The following NEURL1B variants were observed in gnomAD, a reference collection of about 807,000 sequenced individuals.
NEURL1B encodes E3 ubiquitin-protein ligase NEURL1B.
Under a neutral mutation model 37.4 loss-of-function variants are expected in NEURL1B, and 13 were observed. That is an observed-to-expected ratio of 0.35 (90% CI 0.23 to 0.55). NEURL1B has a LOEUF of 0.55. Among genes scored for constraint, NEURL1B ranks in the 20% least tolerant of loss-of-function variants. The pLI, the probability that NEURL1B is intolerant of heterozygous loss-of-function variation, is 0.89. For synonymous variants in NEURL1B, 432 were observed against 426.6 expected (o/e 1.01, Z -0.16); for missense variants, 790 against 879.2 (o/e 0.90, Z 1.28).
chr5:172,647,638 C>G lies in NEURL1B; in HGVS notation c.31+6201C>G, dbSNP rs149448345. Reference sequence around the variant, plus strand: ...CCCACCCTTATTGCAGGTGCACTCCCTTTGCCCTCTGAAGATGAATTACTT... The same window carrying G: ...CCCACCCTTATTGCAGGTGCACTCCGTTTGCCCTCTGAAGATGAATTACTT... On this transcript the variant is annotated intron_variant, in intron 1 of 4. Coordinates refer to ENST00000369800, the MANE Select transcript of NEURL1B (RefSeq NM_001142651.3). The surrounding 1 kb of genome is among the most constrained non-coding windows in gnomAD (Gnocchi z 4.2). Among the ~76,000 whole-genome samples, 92 of 152,244 alleles carry G rather than the reference C, an allele frequency of 6.0e-4. 2 individuals are homozygous for G. In the East Asian group the frequency reaches 0.016, roughly 26 times the overall value.
intron 2 of NEURL1B, among the ~76,000 whole-genome samples, chr5:172,678,906 T>C (rs1758291080): frequency 6.6e-6 from 1 of 152,178 alleles, no homozygotes; most frequent in African/African-American, 2.4e-5. Context: ...AGCCCAGATA[T>C]ATTGGACCTA....
At chr5:172,656,977 G>C (rs1388399322) in intron 1 of NEURL1B, among the ~76,000 whole-genome samples, 1 of 152,166 alleles carries the variant, frequency 6.6e-6, no homozygotes, top group East Asian at 1.9e-4. Flanking sequence ...TTGGAGGCAA[G>C]GGATCTGTGC....
In NEURL1B at chr5:172,641,466, G is replaced by T; in HGVS notation, c.31+29G>T. ...CGCCGGGGAGCCCTGCCCGGGAGGC[G>T]GGCGCCGGGCTTCTCTCCTCCGGGG... is the stretch of plus-strand genomic sequence containing the variant. On this transcript the variant is annotated intron_variant, in intron 1 of 4. Coordinates refer to ENST00000369800, the MANE Select transcript of NEURL1B (RefSeq NM_001142651.3). The surrounding 1 kb of genome is among the most constrained non-coding windows in gnomAD (Gnocchi z 6.4). The T allele has an allele frequency of 1.5e-6, 2 of 1,298,378 alleles. No individual in the cohort carries two copies. Among genetic ancestry groups the T allele is most frequent in the Non-Finnish European group, 2.0e-6 (2 of 1,024,014 alleles). 80.4% of individuals were successfully genotyped at this position (1,298,378 alleles called of 1,614,324 possible).
In NEURL1B at chr5:172,670,419, T is replaced by C. The variant is rs998725537; in HGVS notation, c.577+89T>C. On this transcript the variant is annotated intron_variant, in intron 2 of 4. Transcript: ENST00000369800. ...TTTCATTAGTAGCCACAGTCACTTA[T>C]GGAGAGCTCCTTTTGCCAGGCGTGG... is the stretch of plus-strand genomic sequence containing the variant. 6 of 1,079,640 alleles carry C rather than the reference T, an allele frequency of 5.6e-6. No homozygotes were observed. In the African/African-American group the frequency reaches 8.3e-5, roughly 15 times the overall value. 66.9% of individuals were successfully genotyped at this position (1,079,640 alleles called of 1,614,324 possible).
rs992960422 is a variant in NEURL1B, at chr5:172,657,536, G to A, written c.32-12249G>A. 4.6e-5 allele frequency among the ~76,000 whole-genome samples: 7 copies of A among 152,062 alleles called. No individual in the cohort carries two copies. Among genetic ancestry groups the A allele is most frequent in the Non-Finnish European group, 8.8e-5 (6 of 68,028 alleles). On this transcript the variant is annotated intron_variant, in intron 1 of 4. Coordinates refer to ENST00000369800, the MANE Select transcript of NEURL1B (RefSeq NM_001142651.3). This position sits in a 1 kb window ranked among gnomAD's most constrained non-coding sequence, Gnocchi z 4.0. ...TTACTAATATAACCTAGGAATAACC[G>A]GTGGGTATAGGGTCAGGTGCTGAAG...
Position 172,675,429 on chromosome 5 carries a change from T to A in NEURL1B, c.577+5099T>A, listed in dbSNP as rs559906703. Among the ~76,000 whole-genome samples the A allele has an allele frequency of 6.6e-6, 1 of 152,198 alleles. No individual in the cohort carries two copies. Among genetic ancestry groups the A allele is most frequent in the East Asian group, 1.9e-4 (1 of 5,170 alleles). On this transcript the variant is annotated intron_variant, in intron 2 of 4. Transcript: ENST00000369800. The surrounding 1 kb of genome is among the most constrained non-coding windows in gnomAD (Gnocchi z 4.7). ...CATTGTCTCAGGGCTGCTCTATGCT[T>A]GTTTAATGGTCTCTGGGGTACAGAT...
intron 2 of NEURL1B, among the ~76,000 whole-genome samples, chr5:172,672,933 A>G (rs1241105446): frequency 6.6e-6 from 1 of 152,212 alleles, no homozygotes; most frequent in African/African-American, 2.4e-5. Context: ...TATTGCTTTT[A>G]CAGTCAGAAA....
At position 172,647,606 on chromosome 5, in the gene NEURL1B, C is replaced by T. The variant is rs978914241; in HGVS notation, c.31+6169C>T. ...CTGCCCCTTGTCCTCGTCCTGAGCA[C>T]CTGAGCCCCACCCTTATTGCAGGTG... On this transcript the variant is annotated intron_variant, in intron 1 of 4. Transcript: ENST00000369800. This position sits in a 1 kb window ranked among gnomAD's most constrained non-coding sequence, Gnocchi z 4.2. Among the ~76,000 whole-genome samples, 1 of 152,080 alleles carries T rather than the reference C, an allele frequency of 6.6e-6. No individual in the cohort carries two copies. The highest frequency in any genetic ancestry group is 1.5e-5 in the Non-Finnish European group (1 of 68,006).
At chr5:172,678,605 G>C (rs1318925069) in intron 2 of NEURL1B, among the ~76,000 whole-genome samples, 1 of 149,636 alleles carries the variant, frequency 6.7e-6, no homozygotes, top group Non-Finnish European at 1.5e-5. Context: ...CCACCCCCTT[G>C]GTTGGCCATT....
rs1297795071 is a variant in NEURL1B at position 172,641,397 on chromosome 5, C to A, written c.-10C>A. ...AGCGCGCCGCCGCCAACGCCGCGCC[C>A]GACGCAGCGATGGGCAACACGGTGC... On this transcript the variant is annotated 5_prime_UTR_variant, in exon 1 of 5. Transcript: ENST00000369800. This position sits in a 1 kb window ranked among gnomAD's most constrained non-coding sequence, Gnocchi z 6.4. The A allele has an allele frequency of 2.2e-6, 3 of 1,379,536 alleles. No individual in the cohort carries two copies. The highest frequency in any genetic ancestry group is 6.3e-5 in the Admixed American group (2 of 31,678). The allele number at this position is 1,379,536 out of a possible 1,614,324, so 85.5% of individuals were successfully genotyped here. A position where few individuals can be genotyped will look rare whatever the true frequency, so the allele number is the denominator to read the frequency against.
rs1180541126 is a variant in NEURL1B, at chr5:172,683,591, G to C, written c.750G>C (p.Pro250=). The change falls in exon 3 of 5, where the codon CCG becomes CCC. Residue 250 remains proline, a synonymous_variant. Transcript: ENST00000369800. This position sits in a 1 kb window ranked among gnomAD's most constrained non-coding sequence, Gnocchi z 5.6. ...CGCTGGGCCGCGCCCCGGGCCCACCGCCAGCCGACGCCGCGGCCGCCGCCA... is the reference window on the plus strand; with the variant it reads ...CGCTGGGCCGCGCCCCGGGCCCACCCCCAGCCGACGCCGCGGCCGCCGCCA... ...HLALGRAPGP[P]PADAAAAAIP... is the part of the protein sequence containing the mutation. 3 of 1,288,368 alleles carry C rather than the reference G, an allele frequency of 2.3e-6. No homozygotes were observed. Among genetic ancestry groups the C allele is most frequent in the Non-Finnish European group, 2.9e-6 (3 of 1,018,718 alleles). The allele number at this position is 1,288,368 out of a possible 1,614,324, so 79.8% of individuals were successfully genotyped here.
Position 172,683,954 on chromosome 5 carries a change from G to A in NEURL1B, c.1113G>A (p.Val371=). ...ALLDRKEYWV[V]ARAGPVPSGG... ...TCGACCGCAAAGAGTACTGGGTGGT[G>A]GCGCGCGCCGGGCCCGTGCCGAGCG... Residue 371 remains valine, a synonymous_variant, in exon 3 of 5, where the codon GTG becomes GTA. Coordinates refer to ENST00000369800, the MANE Select transcript of NEURL1B (RefSeq NM_001142651.3). The surrounding 1 kb of genome is among the most constrained non-coding windows in gnomAD (Gnocchi z 5.6). The A allele has an allele frequency of 7.4e-7, 1 of 1,348,230 alleles. No individual in the cohort carries two copies. The allele number at this position is 1,348,230 out of a possible 1,614,324, so 83.5% of individuals were successfully genotyped here. A position where few individuals can be genotyped will look rare whatever the true frequency, so the allele number is the denominator to read the frequency against.
chr5:172,667,274 C>CTAAAAA (rs1160746261), intron 1 of NEURL1B, among the ~76,000 whole-genome samples: 4 of 14,814 alleles, frequency 2.7e-4, no homozygotes, highest in Non-Finnish European at 4.7e-4. Flanking sequence ...CCTGTCTCTA[C>CTAAAAA]TAAAAAAAAA....
At chr5:172,659,194 T>C (rs1399484999) in intron 1 of NEURL1B, among the ~76,000 whole-genome samples, 1 of 152,116 alleles carries the variant, frequency 6.6e-6, no homozygotes, top group Non-Finnish European at 1.5e-5. Context: ...TTTGCCCAGC[T>C]GTTGGGGTGT....
rs1758060430 is a variant in NEURL1B at position 172,668,661 on chromosome 5, G to A, written c.32-1124G>A. ...CGCCATTCTTCTCATTGTGTGCCTT[G>A]GGCGGCCTGTGGTTTCTGAGAATTT... On this transcript the variant is annotated intron_variant, in intron 1 of 4. Transcript: ENST00000369800. Among the ~76,000 whole-genome samples, 3 of 152,178 alleles carry A rather than the reference G, an allele frequency of 2.0e-5. No individual in the cohort carries two copies. The South Asian group carries it at 6.2e-4, about 31-fold the overall frequency.
chr5:172,647,799 G>A lies in NEURL1B; in HGVS notation c.31+6362G>A, dbSNP rs1008909474. Among the ~76,000 whole-genome samples the A allele has an allele frequency of 6.6e-6, 1 of 152,034 alleles. No individual in the cohort carries two copies. Among genetic ancestry groups the A allele is most frequent in the African/African-American group, 2.4e-5 (1 of 41,396 alleles). The stretch of plus-strand genomic sequence containing the variant: ...AATCTTGCCTGAGAGGAGACGGGGT[G>A]AGCTTGAGTTCTGTGCTCCTTCTTC... On this transcript the variant is annotated intron_variant, in intron 1 of 4. Transcript: ENST00000369800. The surrounding 1 kb of genome is among the most constrained non-coding windows in gnomAD (Gnocchi z 4.2).
Position 172,684,029 on chromosome 5 carries a change from G to C in NEURL1B, c.1188G>C (p.Leu396=), listed in dbSNP as rs1295881660. ...FTLRPGGDVL[L]GINGRPRGRL... ...TGCGGCCCGGCGGCGACGTGCTCCTGGGCATCAACGGGCGTCCGCGCGGCC... is the reference window on the plus strand; with the variant it reads ...TGCGGCCCGGCGGCGACGTGCTCCTCGGCATCAACGGGCGTCCGCGCGGCC... Residue 396 remains leucine, a synonymous_variant, in exon 3 of 5, where the codon CTG becomes CTC. Coordinates refer to ENST00000369800, the MANE Select transcript of NEURL1B (RefSeq NM_001142651.3). 1 of 1,337,252 alleles carries C rather than the reference G, an allele frequency of 7.5e-7. No homozygotes were observed. The allele number at this position is 1,337,252 out of a possible 1,614,324, so 82.8% of individuals were successfully genotyped here. A position where few individuals can be genotyped will look rare whatever the true frequency, so the allele number is the denominator to read the frequency against.
chr5:172,666,561 G>A (rs1161957671), intron 1 of NEURL1B, among the ~76,000 whole-genome samples: 10 of 152,142 alleles, frequency 6.6e-5, no homozygotes, highest in African/African-American at 2.4e-4. Context: ...CTAGTATCTA[G>A]AGTTGGAGTG....
intron 1 of NEURL1B, among the ~76,000 whole-genome samples, chr5:172,654,684 G>A (rs1487833605): frequency 6.7e-6 from 1 of 150,164 alleles, no homozygotes; most frequent in African/African-American, 2.5e-5. Context: ...CAAAGCCGTT[G>A]CCACTACAGA....
Sources: gnomAD v4.1 joint callset for allele counts (sites outside exome capture counted in the v4.1 genomes callset) on GRCh38, gnomAD v4.1.1 for gene constraint, Gnocchi (gnomAD v3.1) non-coding constraint, MANE v1.5 for transcripts, NCBI Gene and HGNC (gene_info 2026-07-23, HGNC 2026-07-21) for gene names.